CSTF3: variants seen among roughly 807,000 people sequenced by gnomAD.
The protein encoded by CSTF3 is CF-1 77 kDa subunit.
In CSTF3, 29 loss-of-function variants were observed where a neutral mutation model predicts 105.8. The observed-to-expected ratio is 0.27, with a 90% CI of 0.20 to 0.37. The LOEUF (loss-of-function observed/expected upper bound fraction) is 0.37. CSTF3 is among the 10% of genes least tolerant of loss of function. The pLI, the probability that CSTF3 is intolerant of heterozygous loss-of-function variation, is 1.00. For synonymous variants in CSTF3, 252 were observed against 281.9 expected, an observed-to-expected ratio of 0.89 and a Z score of 1.06; for missense variants, 357 against 879.3, an observed-to-expected ratio of 0.41 and a Z score of 7.51.
At chr11:33,137,074 C>G (rs1275381151) in intron 3 of CSTF3, among the ~76,000 whole-genome samples, 1 of 151,626 alleles carries the variant, frequency 6.6e-6, no homozygotes, top group South Asian at 2.1e-4. Flanking sequence ...CTTATTACAC[C>G]AAAGAATAGA....
At chr11:33,123,879 T>G (rs1339039609) in intron 3 of CSTF3, among the ~76,000 whole-genome samples, 1 of 152,066 alleles carries the variant, frequency 6.6e-6, no homozygotes, top group Non-Finnish European at 1.5e-5. Flanking sequence ...TTTTGAACCT[T>G]ATTTTAATAT....
intron 3 of CSTF3, among the ~76,000 whole-genome samples, chr11:33,115,074 A>G (rs1450171588): frequency 6.6e-6 from 1 of 152,166 alleles, no homozygotes; most frequent in African/African-American, 2.4e-5. Context: ...GTTGTTCACA[A>G]TGTGAACAAA....
chr11:33,159,303 T>C (rs1849906154), intron 1 of CSTF3, among the ~76,000 whole-genome samples: 1 of 151,244 alleles, frequency 6.6e-6, no homozygotes, highest in Non-Finnish European at 1.5e-5. Context: ...ACAAAAAAAA[T>C]ACAAAAATTA....
intron 1 of CSTF3, chr11:33,144,946 G>A (rs1002660813): frequency 3.4e-5 from 6 of 178,588 alleles, no homozygotes; most frequent in Admixed American, 6.3e-5. Flanking sequence ...CACTGCACTC[G>A]GGCCTGGGTG....
intron 3 of CSTF3, among the ~76,000 whole-genome samples, chr11:33,127,493 C>T (rs1310500758): frequency 2.6e-5 from 4 of 152,168 alleles, no homozygotes; most frequent in Admixed American, 2.6e-4. Flanking sequence ...ATTACTATTA[C>T]ATCAACACAT....
At chr11:33,112,488 A>G (rs1288789819) in intron 3 of CSTF3, among the ~76,000 whole-genome samples, 7 of 152,204 alleles carry the variant, frequency 4.6e-5, no homozygotes, top group Admixed American at 4.6e-4. Flanking sequence ...ACAAAGCTAT[A>G]AACTAAAGGA....
chr11:33,142,585 C>T (rs1044911768), intron 1 of CSTF3, among the ~76,000 whole-genome samples: 2 of 152,060 alleles, frequency 1.3e-5, no homozygotes, highest in Non-Finnish European at 2.9e-5. Context: ...AACAGCAGCT[C>T]TCAAACTTTA....
chr11:33,116,616 C>G (rs1855433455), intron 3 of CSTF3, among the ~76,000 whole-genome samples: 1 of 152,116 alleles, frequency 6.6e-6, no homozygotes, highest in Admixed American at 6.6e-5. Context: ...AGGTCCATTA[C>G]AGAGGGCATA....
intron 1 of CSTF3, among the ~76,000 whole-genome samples, chr11:33,155,105 C>T (rs1849845365): frequency 6.6e-6 from 1 of 151,800 alleles, no homozygotes; most frequent in Non-Finnish European, 1.5e-5. Flanking sequence ...ACCTGTAATC[C>T]CAGCGCTTTG....
At chr11:33,135,638 T>C (rs1290290770) in intron 3 of CSTF3, among the ~76,000 whole-genome samples, 5 of 152,140 alleles carry the variant, frequency 3.3e-5, no homozygotes, top group Non-Finnish European at 5.9e-5. Context: ...ATCTTCCAGC[T>C]CTAAAAATTT....
chr11:33,088,221 T>G (rs1855127813), intron 17 of CSTF3, among the ~76,000 whole-genome samples: 1 of 148,950 alleles, frequency 6.7e-6, no homozygotes, highest in Admixed American at 6.6e-5. Flanking sequence ...AACAAAAGAG[T>G]AGAAATAGAA....
chr11:33,099,145 C>T lies in CSTF3; in HGVS notation c.942G>A (p.Met314Ile), dbSNP rs773366714. The T allele has an allele frequency of 6.4e-7, 1 of 1,574,396 alleles. No homozygotes were observed. The highest frequency in any genetic ancestry group is 2.3e-5 in the East Asian group (1 of 43,896). The change falls in exon 12 of 21, where the codon ATG (methionine) becomes ATA (isoleucine). Residue 314 changes from methionine (M) to isoleucine (I), a missense_variant. Physicochemically the swap from Met to Ile is conservative, Grantham distance 10. This residue lies in a region of CSTF3 where 206 missense variants were observed against 576.5 expected (regional missense o/e 0.36). Transcript: ENST00000323959. This position sits in a 1 kb window ranked among gnomAD's most constrained non-coding sequence, Gnocchi z 4.1. ...CATCACTAAATAATTTGGCATTATT[C>T]ATATCCTGGTAGAAAAAAAAGAAAG... ...SSKLLAEKGD[M>I]NNAKLFSDEA...
chr11:33,141,661 A>G lies in CSTF3; in HGVS notation c.225+6T>C, dbSNP rs1855712816. On this transcript the variant is annotated splice_donor_region_variant and intron_variant, in intron 3 of 20. Coordinates refer to ENST00000323959, the MANE Select transcript of CSTF3 (RefSeq NM_001326.3). ...GATATAAGAAAAAATAAAATAAAAT[A>G]GTAACCTCTGCTTCAATGTACAGTT... 1 of 1,609,162 alleles carries G rather than the reference A, an allele frequency of 6.2e-7. No homozygotes were observed. The highest frequency in any genetic ancestry group is 1.3e-5 in the African/African-American group (1 of 74,520).
chr11:33,144,078 G>A (rs761853699), intron 1 of CSTF3, among the ~76,000 whole-genome samples: 1 of 151,814 alleles, frequency 6.6e-6, no homozygotes, highest in Admixed American at 6.6e-5. Flanking sequence ...GATAATATCC[G>A]AGCATAAAGA....
chr11:33,127,624 T>G (rs780788006), intron 3 of CSTF3, among the ~76,000 whole-genome samples: 1 of 152,184 alleles, frequency 6.6e-6, no homozygotes, highest in Non-Finnish European at 1.5e-5. Flanking sequence ...GCCAACGTTT[T>G]TGAGTTTTAT....
intron 3 of CSTF3, among the ~76,000 whole-genome samples, chr11:33,109,553 G>A (rs1303365204): frequency 6.6e-6 from 1 of 152,124 alleles, no homozygotes; most frequent in Non-Finnish European, 1.5e-5. Flanking sequence ...TCACAATCTG[G>A]CTATCTACTT....
intron 1 of CSTF3, among the ~76,000 whole-genome samples, chr11:33,159,816 C>G (rs1451027944): frequency 7.2e-5 from 11 of 152,004 alleles, no homozygotes; most frequent in Admixed American, 7.2e-4. Context: ...AGGCTTTCAG[C>G]TGTTGATTCC....
chr11:33,116,726 A>G (rs1855434494), intron 3 of CSTF3, among the ~76,000 whole-genome samples: 1 of 152,192 alleles, frequency 6.6e-6, no homozygotes. Context: ...AAGATGACTC[A>G]TAAGTAGGTT....
In CSTF3 at chr11:33,092,364, A is replaced by T. The variant is rs774884565; in HGVS notation, c.1376-24T>A. The T allele has an allele frequency of 4.3e-6, 6 of 1,406,496 alleles. No individual in the cohort carries two copies. In the South Asian group the frequency reaches 5.3e-5, roughly 12 times the overall value. The allele number at this position is 1,406,496 out of a possible 1,614,324, so 87.1% of individuals were successfully genotyped here. ...CTCTAGGATATTGAAAAAGATTTTA[A>T]TTTTTTTAATTCACTTTTACGATGC... On this transcript the variant is annotated intron_variant, in intron 15 of 20. Transcript: ENST00000323959.
Sources: allele counts gnomAD v4.1 joint callset (sites outside exome capture counted in the v4.1 genomes callset), GRCh38; gene constraint gnomAD v4.1.1; regional missense constraint gnomAD v4.1.1; non-coding constraint Gnocchi (gnomAD v3.1); transcripts MANE v1.5; gene names NCBI Gene and HGNC (gene_info 2026-07-23, HGNC 2026-07-21).